The following WDR27 variants were observed in gnomAD, a reference collection of about 807,000 sequenced individuals.
The protein encoded by WDR27 is WD repeat domain 27, also known as WD repeat-containing protein 27.
In WDR27, 100 loss-of-function variants were observed where a neutral mutation model predicts 114.4. The observed-to-expected ratio is 0.87, with a 90% CI of 0.74 to 1.03. WDR27 has a LOEUF of 1.03. Ranked by LOEUF, WDR27 falls within the 50% of genes least tolerant of loss-of-function variation. The pLI, the probability that WDR27 is intolerant of heterozygous loss-of-function variation, is 0.00. For missense variants in WDR27, 1,129 were observed against 1,092.9 expected, an observed-to-expected ratio of 1.03 and a Z score of -0.47; for synonymous variants, 449 against 423.1, an observed-to-expected ratio of 1.06 and a Z score of -0.75.
At chr6:169,545,641 G>A (rs1188051629) in intron 25 of WDR27, among the ~76,000 whole-genome samples, 1 of 152,166 alleles carries the variant, frequency 6.6e-6, no homozygotes, top group East Asian at 1.9e-4. Flanking sequence ...TTGTGCCACT[G>A]CGCTCCAGCC....
chr6:169,598,635 G>A (rs1296473643), intron 23 of WDR27, among the ~76,000 whole-genome samples: 2 of 152,220 alleles, frequency 1.3e-5, no homozygotes, highest in Admixed American at 6.5e-5. Flanking sequence ...CGAGAGATGT[G>A]CAGAGGAGGA....
chr6:169,557,515 A>G (rs1202964684), intron 25 of WDR27, among the ~76,000 whole-genome samples: 1 of 152,242 alleles, frequency 6.6e-6, no homozygotes, highest in African/African-American at 2.4e-5. Flanking sequence ...CCCTCACCCT[A>G]CATGATTTAG....
chr6:169,453,916 C>CA (rs1248996760), downstream of WDR27, among the ~76,000 whole-genome samples: 2 of 152,086 alleles, frequency 1.3e-5, no homozygotes, highest in African/African-American at 2.4e-5. Context: ...CTATCTCAGA[C>CA]AAAAAAATAA....
Position 169,494,795 on chromosome 6 carries a change from A to G in WDR27, c.2646-37161T>C, listed in dbSNP as rs375749735. ...ATTTTTTATTAGTATCTACCTATTAACCAGAGGTAAATTTTCCTGTGGAAT... is the reference window on the plus strand; with the variant it reads ...ATTTTTTATTAGTATCTACCTATTAGCCAGAGGTAAATTTTCCTGTGGAAT... On this transcript the variant is annotated intron_variant, in intron 25 of 25. Transcript: ENST00000448612. Among the ~76,000 whole-genome samples the G allele has an allele frequency of 1.3e-4, 20 of 152,254 alleles. No individual in the cohort carries two copies. The South Asian group carries it at 2.5e-3, about 19-fold the overall frequency.
the WDR27 span, chr6:169,426,941 G>A: frequency 6.9e-6 from 1 of 144,716 alleles, no homozygotes; most frequent in South Asian, 2.2e-4. Flanking sequence ...TCCCAGACAA[G>A]GGTCGTGGCA....
chr6:169,567,104 T>G (rs1322654388), intron 25 of WDR27, among the ~76,000 whole-genome samples: 5 of 152,180 alleles, frequency 3.3e-5, no homozygotes, highest in African/African-American at 7.2e-5. Context: ...TGGGGCTGTC[T>G]GGGGGACCTT....
At chr6:169,645,023 T>TAAAAAAAAAAAAAAA (rs776362942) in intron 16 of WDR27, among the ~76,000 whole-genome samples, 5 of 46,982 alleles carry the variant, frequency 1.1e-4, no homozygotes, top group Admixed American at 2.9e-4. Context: ...AAAAAAAAAA[T>TAAAAAAAAAAAAAAA]AAAAAAAAAA....
chr6:169,646,350 GC>G (rs1282963239), intron 16 of WDR27, among the ~76,000 whole-genome samples: 3 of 152,326 alleles, frequency 2.0e-5, no homozygotes, highest in African/African-American at 7.2e-5. Context: ...GATGCCAATG[GC>G]CCCTGAAACA....
At chr6:169,530,636 A>C (rs60105930) in intron 25 of WDR27, among the ~76,000 whole-genome samples, 1 of 152,196 alleles carries the variant, frequency 6.6e-6, no homozygotes, top group African/African-American at 2.4e-5. Flanking sequence ...ACTGCAACGC[A>C]TGGAGGTGGC....
rs1247538644 is a variant in WDR27, at chr6:169,464,390, G to A, written c.2646-6756C>T. On this transcript the variant is annotated intron_variant, in intron 25 of 25. Coordinates refer to ENST00000448612, the MANE Select transcript of WDR27 (RefSeq NM_182552.5). Reference sequence around the variant, plus strand: ...GCACAGAGAAAAACTACCTCAAAATGCATCAAAGACGTAAATGTGAGATCC... The same window carrying A: ...GCACAGAGAAAAACTACCTCAAAATACATCAAAGACGTAAATGTGAGATCC... 5.3e-5 allele frequency among the ~76,000 whole-genome samples: 8 copies of A among 152,214 alleles called. No individual in the cohort carries two copies. In the South Asian group the frequency reaches 1.2e-3, roughly 24 times the overall value.
At chr6:169,670,892 C>G in intron 3 of WDR27, 199 bp from the exon 4 acceptor site, 1 of 632,008 alleles carries the variant, frequency 1.6e-6, no homozygotes, top group Non-Finnish European at 2.6e-6. Context: ...GGGAATGCAG[C>G]ACTTCCCTGC....
the WDR27 span, among the ~76,000 whole-genome samples, chr6:169,445,157 G>A: frequency 1.3e-5 from 2 of 152,192 alleles, no homozygotes; most frequent in African/African-American, 4.8e-5. Flanking sequence ...AAGCAAAAGC[G>A]TGATGCTATC....
At chr6:169,502,145 A>G (rs1305518868) in intron 25 of WDR27, among the ~76,000 whole-genome samples, 1 of 151,930 alleles carries the variant, frequency 6.6e-6, no homozygotes, top group Non-Finnish European at 1.5e-5. Flanking sequence ...TCTGGTGAGG[A>G]GATGAGGGAG....
Position 169,667,989 on chromosome 6 carries a change from C to T in WDR27, c.653G>A (p.Gly218Asp). ...CCAGCGTCCATCCCTCACCTTAAAG[C>T]CTCTGTCCTCAGACGCCGAGATGAG... is the stretch of plus-strand genomic sequence containing the variant. ...GTLISASEDR[G>D]FKVWDHCTGS... The change falls in exon 5 of 26, where the codon GGC becomes GAC. Residue 218 changes from glycine to aspartate, a missense_variant. By Grantham distance (94) the Gly-to-Asp change is moderately conservative. Coordinates refer to ENST00000448612, the MANE Select transcript of WDR27 (RefSeq NM_182552.5). 6.2e-7 allele frequency: 1 copy of T among 1,613,060 alleles called. No homozygotes were observed. The highest frequency in any genetic ancestry group is 8.5e-7 in the Non-Finnish European group (1 of 1,179,596).
At chr6:169,506,186 T>C (rs1446372192) in intron 25 of WDR27, among the ~76,000 whole-genome samples, 2 of 152,252 alleles carry the variant, frequency 1.3e-5, no homozygotes, top group Admixed American at 6.5e-5. Flanking sequence ...TAATTTTCCC[T>C]ATTTTTCATT....
intron 2 of WDR27, among the ~76,000 whole-genome samples, chr6:169,678,223 G>A (rs917476776): frequency 6.6e-6 from 1 of 152,224 alleles, no homozygotes; most frequent in African/African-American, 2.4e-5. Flanking sequence ...GCAGCCACAA[G>A]GGCTGAACCT....
At chr6:169,692,471 G>A (rs1046331169) in intron 1 of WDR27, among the ~76,000 whole-genome samples, 1 of 150,252 alleles carries the variant, frequency 6.7e-6, no homozygotes, top group Non-Finnish European at 1.5e-5. Context: ...AGCCAGCCAT[G>A]CTCGTTTTCT....
Position 169,600,838 on chromosome 6 carries a change from T to C in WDR27, c.2424+1381A>G, listed in dbSNP as rs191864957. On this transcript the variant is annotated intron_variant, in intron 23 of 25. Transcript: ENST00000448612. ...GTGAAAAGAACAATTCTACGTCTGA[T>C]TGGTGTACCTGAAAGTGACAGGGAG... Among the ~76,000 whole-genome samples the C allele has an allele frequency of 2.8e-4, 43 of 152,232 alleles. No homozygotes were observed. In the East Asian group the frequency reaches 7.4e-3, roughly 26 times the overall value.
chr6:169,572,854 C>T (rs1801679958), intron 24 of WDR27, among the ~76,000 whole-genome samples: 1 of 151,970 alleles, frequency 6.6e-6, no homozygotes, highest in South Asian at 2.1e-4. Context: ...CATTTTATGC[C>T]CAAAGACATA....
Sources: gnomAD v4.1 joint callset for allele counts (sites outside exome capture counted in the v4.1 genomes callset) on GRCh38, gnomAD v4.1.1 for gene constraint, MANE v1.5 for transcripts, NCBI Gene and HGNC (gene_info 2026-07-23, HGNC 2026-07-21) for gene names.